NEDD4L: variants seen among roughly 807,000 people sequenced by gnomAD.
The protein encoded by NEDD4L is NEDD4 like E3 ubiquitin protein ligase.
A neutral mutation model predicts 148.9 loss-of-function variants in NEDD4L; 54 were observed. The observed-to-expected ratio is 0.36, with a 90% CI of 0.29 to 0.45. NEDD4L has a LOEUF of 0.45. Ranked by LOEUF, NEDD4L falls within the 20% of genes least tolerant of loss-of-function variation. NEDD4L has a pLI of 1.00. For missense variants in NEDD4L, 856 were observed against 1,233.8 expected, an observed-to-expected ratio of 0.69 and a Z score of 4.59; for synonymous variants, 433 against 440.7, an observed-to-expected ratio of 0.98 and a Z score of 0.22.
At chr18:58,291,185 A>G (rs8099661) in intron 5 of NEDD4L, among the ~76,000 whole-genome samples, 1,577 of 128,866 alleles carry the variant, frequency 0.012, 27 homozygotes, top group African/African-American at 0.044. Context: ...CAGGCCGACC[A>G]ACCCACATGG....
intron 2 of NEDD4L, chr18:58,193,779 C>G (rs1298639570): frequency 6.6e-6 from 1 of 152,248 alleles, no homozygotes; most frequent in Non-Finnish European, 1.5e-5. Flanking sequence ...ATTCTCTGCT[C>G]CAGCCACACA....
intron 5 of NEDD4L, among the ~76,000 whole-genome samples, chr18:58,309,834 A>C (rs1056917298): frequency 1.3e-5 from 2 of 152,004 alleles, no homozygotes; most frequent in Admixed American, 6.6e-5. Flanking sequence ...GACATCAGGT[A>C]CACCTCATCC....
At chr18:58,095,436 C>T (rs76998718) in intron 1 of NEDD4L, among the ~76,000 whole-genome samples, 10,171 of 150,810 alleles carry the variant, frequency 0.067, 478 homozygotes, top group Admixed American at 0.14. Flanking sequence ...TGCTTAAAGT[C>T]GTTGCTCCCA....
chr18:58,353,890 A>G (rs560294915), intron 18 of NEDD4L, among the ~76,000 whole-genome samples: 28 of 152,334 alleles, frequency 1.8e-4, no homozygotes, highest in African/African-American at 6.7e-4. Flanking sequence ...CTTGTCTTCC[A>G]GCATACCTGG....
chr18:58,082,102 A>ATATATATATATATTTTTTTTTTT, intron 1 of NEDD4L, among the ~76,000 whole-genome samples: 2 of 48,832 alleles, frequency 4.1e-5, no homozygotes, highest in African/African-American at 2.6e-4. Flanking sequence ...ATATATATAT[A>ATATATATATATATTTTTTTTTTT]TTTTTTTTTT....
rs2050784512 is a variant in NEDD4L at position 58,400,543 on chromosome 18, T to C, written c.*4274T>C. On this transcript the variant is annotated 3_prime_UTR_variant, in exon 31 of 31. Transcript: ENST00000400345. ...GAACGTTTTCTAGAAAAGGGTTAGC[T>C]TCCTGTTGGCATGAAATTTTCCAAG... The C allele has an allele frequency of 6.6e-6, 1 of 152,206 alleles. No homozygotes were observed. The highest frequency in any genetic ancestry group is 2.4e-5 in the African/African-American group (1 of 41,448). The allele number at this position is 152,206 out of a possible 1,614,324, so 9.4% of individuals were successfully genotyped here.
At chr18:58,216,472 G>A (rs1461886102) in intron 2 of NEDD4L, among the ~76,000 whole-genome samples, 4 of 152,128 alleles carry the variant, frequency 2.6e-5, no homozygotes, top group African/African-American at 4.8e-5. Context: ...CTGTTGCAGA[G>A]GCCTGAGTGA....
chr18:58,051,130 C>T (rs907563302), intron 1 of NEDD4L, among the ~76,000 whole-genome samples: 1 of 152,152 alleles, frequency 6.6e-6, no homozygotes, highest in African/African-American at 2.4e-5. Flanking sequence ...TTGTGGCACG[C>T]ACCTGTGGTC....
chr18:58,385,704 G>A, intron 26 of NEDD4L, 118 bp downstream of exon 26: 2 of 800,642 alleles, frequency 2.5e-6, no homozygotes, highest in South Asian at 1.6e-5. Flanking sequence ...CGAGGCTGGG[G>A]ACCCTGCAGG....
At chr18:58,314,395 C>T (rs961168725) in intron 5 of NEDD4L, among the ~76,000 whole-genome samples, 8 of 144,388 alleles carry the variant, frequency 5.5e-5, no homozygotes, top group Middle Eastern at 3.7e-3. Context: ...CCAGCCTGGG[C>T]GACAGAGCAA....
chr18:58,185,943 G>A (rs1385451005), intron 2 of NEDD4L, among the ~76,000 whole-genome samples: 3 of 152,042 alleles, frequency 2.0e-5, no homozygotes, highest in African/African-American at 4.8e-5. Flanking sequence ...CTTAGACCCA[G>A]CACTCCCAGT....
intron 20 of NEDD4L, 87 bp downstream of exon 20, chr18:58,364,420 C>T (rs1287338782): frequency 1.9e-5 from 14 of 755,982 alleles, no homozygotes; most frequent in Non-Finnish European, 3.1e-5. Context: ...TTGGTTGTTA[C>T]TTTTATATGA....
chr18:58,224,138 A>G (rs2044086465), intron 2 of NEDD4L, among the ~76,000 whole-genome samples: 1 of 152,242 alleles, frequency 6.6e-6, no homozygotes, highest in Non-Finnish European at 1.5e-5. Context: ...CACCGCTTTC[A>G]GTGATGTAAG....
chr18:58,215,563 C>G (rs951780425), intron 2 of NEDD4L, among the ~76,000 whole-genome samples: 3 of 152,120 alleles, frequency 2.0e-5, no homozygotes, highest in South Asian at 4.2e-4. Context: ...TGTATAGCAC[C>G]TTTTAATTTT....
chr18:58,351,095 G>A (rs1227285286), intron 18 of NEDD4L, 50 bp downstream of exon 18: 33 of 1,553,960 alleles, frequency 2.1e-5, no homozygotes, highest in Non-Finnish European at 2.9e-5. Context: ...TAGAGGGAAG[G>A]AGTAATTCAA....
At chr18:58,201,350 G>T (rs920580534) in intron 2 of NEDD4L, among the ~76,000 whole-genome samples, 1 of 151,746 alleles carries the variant, frequency 6.6e-6, no homozygotes, top group Non-Finnish European at 1.5e-5. Flanking sequence ...AAAAGCAGAA[G>T]ATTATTTGGA....
chr18:58,280,755 C>T (rs1400366357), intron 5 of NEDD4L, among the ~76,000 whole-genome samples: 10 of 152,088 alleles, frequency 6.6e-5, no homozygotes, highest in African/African-American at 9.7e-5. Flanking sequence ...CTGTCTCCAA[C>T]CATCATTACT....
At chr18:58,225,381 G>A (rs982894252) in intron 2 of NEDD4L, among the ~76,000 whole-genome samples, 5 of 152,224 alleles carry the variant, frequency 3.3e-5, no homozygotes, top group African/African-American at 7.2e-5. Context: ...CAATGTGGGC[G>A]GGGAACCCAC....
chr18:58,272,877 G>A (rs116048921), intron 5 of NEDD4L, among the ~76,000 whole-genome samples: 1 of 152,170 alleles, frequency 6.6e-6, no homozygotes, highest in Non-Finnish European at 1.5e-5. Flanking sequence ...TTCATGAATG[G>A]TAGAGACACT....
Sources: gnomAD v4.1 joint callset for allele counts (sites outside exome capture counted in the v4.1 genomes callset) on GRCh38, gnomAD v4.1.1 for gene constraint, MANE v1.5 for transcripts, NCBI Gene and HGNC (gene_info 2026-07-23, HGNC 2026-07-21) for gene names.